Variants in IGFL2 observed in about 807,000 individuals in gnomAD.
IGFL2 encodes IGF like family member 2, also known as insulin growth factor-like family member 2.
Under a neutral mutation model 13.9 loss-of-function variants are expected in IGFL2, and 7 were observed. The ratio of observed to expected loss-of-function variants is 0.51; its 90% CI spans 0.29 to 0.95. The LOEUF (loss-of-function observed/expected upper bound fraction) is 0.95, where lower values mean the gene tolerates loss of function less well. Ranked by LOEUF, IGFL2 falls within the 40% of genes least tolerant of loss-of-function variation. IGFL2 has a pLI of 0.08. For missense variants in IGFL2, 138 were observed against 147.8 expected (o/e 0.93, Z 0.34); for synonymous variants, 55 against 55.8 (o/e 0.99, Z 0.07).
At chr19:46,093,922 T>G in the IGFL2 span, among the ~76,000 whole-genome samples, 2 of 151,830 alleles carry the variant, frequency 1.3e-5, no homozygotes, top group Non-Finnish European at 2.9e-5. Context: ...GACATAAAGA[T>G]CTAAATAAAA....
the IGFL2 span, among the ~76,000 whole-genome samples, chr19:46,135,581 G>A: frequency 1.3e-5 from 2 of 152,220 alleles, no homozygotes; most frequent in African/African-American, 4.8e-5. Context: ...TTGATCTGAG[G>A]TCCTTCAGTG....
At chr19:46,161,482 A>G (rs1974171003), downstream of IGFL2, among the ~76,000 whole-genome samples, 1 of 152,138 alleles carries the variant, frequency 6.6e-6, no homozygotes, top group Non-Finnish European at 1.5e-5. Flanking sequence ...GGTCTTTAAG[A>G]GTTTCCTCTA....
the IGFL2 span, among the ~76,000 whole-genome samples, chr19:46,173,045 A>G: frequency 6.6e-6 from 1 of 152,254 alleles, no homozygotes; most frequent in South Asian, 2.1e-4. Flanking sequence ...ATTTTCAAAT[A>G]TCTCTTCCAT....
chr19:46,087,875 G>C, the IGFL2 span, among the ~76,000 whole-genome samples: 1 of 152,230 alleles, frequency 6.6e-6, no homozygotes, highest in Non-Finnish European at 1.5e-5. Flanking sequence ...ATGCAGTCTA[G>C]TGGAGGTGGA....
the IGFL2 span, among the ~76,000 whole-genome samples, chr19:46,197,533 C>G: frequency 1.3e-5 from 2 of 152,166 alleles, no homozygotes; most frequent in Admixed American, 6.5e-5. Flanking sequence ...GTCTCTCCCC[C>G]ATCTCTGGCC....
the IGFL2 span, chr19:46,112,853 T>C: frequency 6.6e-6 from 1 of 152,204 alleles, no homozygotes; most frequent in African/African-American, 2.4e-5. Flanking sequence ...TACTTGGTAA[T>C]GGTGTCAAGG....
the IGFL2 span, among the ~76,000 whole-genome samples, chr19:46,191,360 TC>T: frequency 6.6e-6 from 1 of 152,050 alleles, no homozygotes. Flanking sequence ...CACTGAATTT[TC>T]CCTCCCAGGG....
the IGFL2 span, among the ~76,000 whole-genome samples, chr19:46,108,135 G>C: frequency 1.3e-5 from 2 of 152,112 alleles, no homozygotes; most frequent in African/African-American, 4.8e-5. Flanking sequence ...GCCTGGCGAG[G>C]AGCAGCCTGG....
intron 1 of IGFL2, chr19:46,159,203 A>G (rs1163877391): frequency 2.0e-5 from 3 of 152,236 alleles, no homozygotes; most frequent in Non-Finnish European, 4.4e-5. Flanking sequence ...TATGACTCCA[A>G]ATAGTTCTCC....
chr19:46,108,025 G>T, the IGFL2 span, among the ~76,000 whole-genome samples: 1 of 152,204 alleles, frequency 6.6e-6, no homozygotes, highest in African/African-American at 2.4e-5. Context: ...GGCTAGTTGC[G>T]GTACAAAACT....
At chr19:46,173,043 A>G in the IGFL2 span, among the ~76,000 whole-genome samples, 1 of 152,246 alleles carries the variant, frequency 6.6e-6, no homozygotes, top group African/African-American at 2.4e-5. Context: ...GCATTTTCAA[A>G]TATCTCTTCC....
At chr19:46,214,684 T>G in the IGFL2 span, 1 of 152,168 alleles carries the variant, frequency 6.6e-6, no homozygotes, top group African/African-American at 2.4e-5. Flanking sequence ...CCCCACCCCA[T>G]CATCCAGGCC....
the IGFL2 span, among the ~76,000 whole-genome samples, chr19:46,131,688 C>T: frequency 6.6e-6 from 1 of 152,184 alleles, no homozygotes; most frequent in East Asian, 1.9e-4. Context: ...CCTGTAATCG[C>T]AGCACTTTGG....
the IGFL2 span, among the ~76,000 whole-genome samples, chr19:46,206,176 G>A: frequency 5.9e-5 from 9 of 151,822 alleles, no homozygotes; most frequent in Non-Finnish European, 1.0e-4. Flanking sequence ...GCCCTCCCTC[G>A]AACCCAGCTT....
the IGFL2 span, among the ~76,000 whole-genome samples, chr19:46,184,154 A>G: frequency 6.6e-6 from 1 of 152,356 alleles, no homozygotes; most frequent in Middle Eastern, 3.4e-3. Context: ...CAACACATGT[A>G]TAATTTTGCT....
chr19:46,194,853 T>TATATATATATATATATATA, the IGFL2 span, among the ~76,000 whole-genome samples: 1 of 14,132 alleles, frequency 7.1e-5, no homozygotes, highest in African/African-American at 1.9e-4. Context: ...TATATATATA[T>TATATATATATATATATATA]TTTTTTTTTT....
the IGFL2 span, among the ~76,000 whole-genome samples, chr19:46,119,489 G>GGACCCTTTATGAAGCCACTT: frequency 1.3e-3 from 191 of 141,918 alleles, no homozygotes; most frequent in African/African-American, 2.9e-3. Context: ...TGGAGCCAGG[G>GGACCCTTTATGAAGCCACTT]TATGCTGCTC....
the IGFL2 span, among the ~76,000 whole-genome samples, chr19:46,129,280 AAAC>A: frequency 6.6e-6 from 1 of 150,640 alleles, no homozygotes; most frequent in Non-Finnish European, 1.5e-5. Context: ...TTTTTTCAAA[AAAC>A]CAACTCTTGG....
At chr19:46,141,635 A>G (rs1237244405), upstream of IGFL2, among the ~76,000 whole-genome samples, 1 of 152,142 alleles carries the variant, frequency 6.6e-6, no homozygotes, top group Non-Finnish European at 1.5e-5. Context: ...GGCTTCAACA[A>G]CATGACTCAC....
Sources: allele counts gnomAD v4.1 joint callset (sites outside exome capture counted in the v4.1 genomes callset), GRCh38; gene constraint gnomAD v4.1.1; transcripts MANE v1.5; gene names NCBI Gene and HGNC (gene_info 2026-07-23, HGNC 2026-07-21).